COMMD1: variants seen among roughly 807,000 people sequenced by gnomAD.
COMMD1 encodes the protein COMM domain-containing protein 1.
In COMMD1, 10 loss-of-function variants were observed where a neutral mutation model predicts 17.2. That is an observed-to-expected ratio of 0.58 (90% CI 0.36 to 0.99). The LOEUF is 0.99. COMMD1 is among the 50% of genes least tolerant of loss of function. The pLI, the probability that COMMD1 is intolerant of heterozygous loss-of-function variation, is 0.01. For synonymous variants in COMMD1, 97 were observed against 91.6 expected (o/e 1.06, Z -0.34); for missense variants, 270 against 231.8 (o/e 1.17, Z -1.07).
chr2:61,994,384 A>G (rs1427809048), intron 1 of COMMD1, among the ~76,000 whole-genome samples: 1 of 152,236 alleles, frequency 6.6e-6, no homozygotes, highest in Non-Finnish European at 1.5e-5. Context: ...AATGTGAAAT[A>G]TCTTTAATGT....
chr2:62,021,371 G>C (rs1262776974), intron 2 of COMMD1, among the ~76,000 whole-genome samples: 1 of 151,498 alleles, frequency 6.6e-6, no homozygotes, highest in Admixed American at 6.6e-5. Context: ...GAGAGGTCTG[G>C]GAGTCTTCAG....
At position 62,085,971 on chromosome 2, in the gene COMMD1, C is replaced by CT. The variant is rs1197998202; in HGVS notation, c.463-49859dup. Among the ~76,000 whole-genome samples, 11 of 151,806 alleles carry CT rather than the reference C, an allele frequency of 7.2e-5. No individual in the cohort carries two copies. The South Asian group carries it at 1.9e-3, about 26-fold the overall frequency. On this transcript the variant is annotated intron_variant, in intron 2 of 2. Transcript: ENST00000311832. ...CCAGCCTGGGCGACAGAGCAAGACT[C>CT]TGTCTCAAAACAAAACAAAACAAAA... is the stretch of plus-strand genomic sequence containing the variant.
At chr2:62,095,986 T>C in intron 2 of COMMD1, among the ~76,000 whole-genome samples, 1 of 150,920 alleles carries the variant, frequency 6.6e-6, no homozygotes, top group Admixed American at 6.6e-5. Flanking sequence ...ACACACATGC[T>C]CGTGTATGTA....
chr2:61,939,605 TA>T (rs377749486), intron 1 of COMMD1, among the ~76,000 whole-genome samples: 43 of 152,352 alleles, frequency 2.8e-4, no homozygotes, highest in African/African-American at 1.0e-3. Context: ...TGTTTTGTTC[TA>T]AAAGACTCTT....
chr2:61,991,186 T>A (rs989297913), intron 1 of COMMD1, among the ~76,000 whole-genome samples: 1 of 152,204 alleles, frequency 6.6e-6, no homozygotes, highest in African/African-American at 2.4e-5. Flanking sequence ...TTGTTTTGGC[T>A]CTGAGCCCCT....
At chr2:62,099,878 C>A (rs1202164226) in intron 2 of COMMD1, among the ~76,000 whole-genome samples, 1 of 152,014 alleles carries the variant, frequency 6.6e-6, no homozygotes, top group Non-Finnish European at 1.5e-5. Context: ...CCCTGGTCAC[C>A]CAGGGGCGCC....
At chr2:61,973,037 G>C (rs1407201325) in intron 1 of COMMD1, among the ~76,000 whole-genome samples, 1 of 151,956 alleles carries the variant, frequency 6.6e-6, no homozygotes, top group Non-Finnish European at 1.5e-5. Flanking sequence ...TCTGCAATTT[G>C]CTTTTTTTGT....
Position 61,992,600 on chromosome 2 carries a change from A to G in COMMD1, c.181-8101A>G, listed in dbSNP as rs79723862. The stretch of plus-strand genomic sequence containing the variant: ...GAAGAATATGCAGCAGAGGGTTACA[A>G]CTTTTACAGAAAACTTGCCAACTCC... On this transcript the variant is annotated intron_variant, in intron 1 of 2. Coordinates refer to ENST00000311832, the MANE Select transcript of COMMD1 (RefSeq NM_152516.4). 2.6e-5 allele frequency among the ~76,000 whole-genome samples: 4 copies of G among 152,340 alleles called. No homozygotes were observed. In the East Asian group the frequency reaches 7.7e-4, roughly 29 times the overall value.
At chr2:61,934,578 A>C (rs1240750753) in intron 1 of COMMD1, among the ~76,000 whole-genome samples, 1 of 152,158 alleles carries the variant, frequency 6.6e-6, no homozygotes, top group African/African-American at 2.4e-5. Flanking sequence ...TTTTTTATAA[A>C]GGCTTAACAA....
chr2:61,939,434 C>G (rs560008728), intron 1 of COMMD1, among the ~76,000 whole-genome samples: 3 of 151,602 alleles, frequency 2.0e-5, no homozygotes, highest in Non-Finnish European at 4.4e-5. Flanking sequence ...CCACTGCACT[C>G]CAGCCTGGGC....
At chr2:61,958,989 T>G (rs1459427233) in intron 1 of COMMD1, among the ~76,000 whole-genome samples, 1 of 152,224 alleles carries the variant, frequency 6.6e-6, no homozygotes, top group African/African-American at 2.4e-5. Context: ...TTTTATTTTG[T>G]CATGTTGCTT....
chr2:61,944,556 C>A (rs1258334363), intron 1 of COMMD1, among the ~76,000 whole-genome samples: 3 of 152,162 alleles, frequency 2.0e-5, no homozygotes, highest in Admixed American at 2.0e-4. Context: ...CCAGCTAAGA[C>A]CACTTCCTGT....
At chr2:61,908,513 C>G (rs1669827956) in intron 1 of COMMD1, among the ~76,000 whole-genome samples, 1 of 152,136 alleles carries the variant, frequency 6.6e-6, no homozygotes, top group South Asian at 2.1e-4. Context: ...GCGTGAGCCA[C>G]TGCACCCAGC....
intron 1 of COMMD1, among the ~76,000 whole-genome samples, chr2:61,968,150 G>C (rs1185316966): frequency 6.6e-6 from 1 of 150,884 alleles, no homozygotes; most frequent in African/African-American, 2.5e-5. Context: ...GACACAGTGA[G>C]ACTCCCTCTC....
chr2:62,031,032 A>G (rs1028514115), intron 2 of COMMD1, among the ~76,000 whole-genome samples: 5 of 152,202 alleles, frequency 3.3e-5, no homozygotes, highest in African/African-American at 1.2e-4. Context: ...AGAATTCCAA[A>G]TGACTAATAA....
chr2:61,910,814 C>T (rs1454981357), intron 1 of COMMD1, among the ~76,000 whole-genome samples: 2 of 152,108 alleles, frequency 1.3e-5, no homozygotes, highest in East Asian at 1.9e-4. Flanking sequence ...CCGGGCGCCA[C>T]GGCTCACGCC....
intron 2 of COMMD1, chr2:62,100,436 G>T (rs1257333017): frequency 6.6e-6 from 1 of 152,210 alleles, no homozygotes; most frequent in Non-Finnish European, 1.5e-5. Context: ...TGTGCCCAAG[G>T]TGATCAGGGC....
At chr2:61,984,103 C>T (rs1359752820) in intron 1 of COMMD1, among the ~76,000 whole-genome samples, 1 of 152,196 alleles carries the variant, frequency 6.6e-6, no homozygotes. Flanking sequence ...GGCTCAACTG[C>T]AACCTCTGCC....
chr2:61,970,719 A>AT (rs1174175411), intron 1 of COMMD1, among the ~76,000 whole-genome samples: 1 of 151,958 alleles, frequency 6.6e-6, no homozygotes, highest in African/African-American at 2.4e-5. Context: ...CCTATGATTA[A>AT]TTTTTTTTCT....
Sources: allele counts gnomAD v4.1 joint callset (sites outside exome capture counted in the v4.1 genomes callset), GRCh38; gene constraint gnomAD v4.1.1; transcripts MANE v1.5; gene names NCBI Gene and HGNC (gene_info 2026-07-23, HGNC 2026-07-21).